PLCG1: variants seen among roughly 807,000 people sequenced by gnomAD.
The protein encoded by PLCG1 is 1-phosphatidylinositol 4,5-bisphosphate phosphodiesterase gamma-1.
In PLCG1, 71 loss-of-function variants were observed where a neutral mutation model predicts 177.8. The ratio of observed to expected loss-of-function variants is 0.40; its 90% CI spans 0.33 to 0.49. The LOEUF (loss-of-function observed/expected upper bound fraction) is 0.49, where lower values mean the gene tolerates loss of function less well. PLCG1 is among the 20% of genes least tolerant of loss of function. PLCG1 has a pLI of 0.72. For synonymous variants in PLCG1, 658 were observed against 647.9 expected, an observed-to-expected ratio of 1.02 and a Z score of -0.24; for missense variants, 1,281 against 1,709.0, an observed-to-expected ratio of 0.75 and a Z score of 4.42.
At position 41,157,046 on chromosome 20, in the gene PLCG1, A is replaced by G. The variant is rs932595779; in HGVS notation, c.218-2560A>G. ...GGCCAGGCTGGTGCCTTCTTACGGA[A>G]GACAGTACAAGGGATCAGGTGTGGC... On this transcript the variant is annotated intron_variant, in intron 1 of 31. Transcript: ENST00000685551. The surrounding 1 kb of genome is among the most constrained non-coding windows in gnomAD (Gnocchi z 5.4). Among the ~76,000 whole-genome samples, 1 of 152,260 alleles carries G rather than the reference A, an allele frequency of 6.6e-6. No individual in the cohort carries two copies. The highest frequency in any genetic ancestry group is 2.4e-5 in the African/African-American group (1 of 41,472).
At chr20:41,155,971 GCTT>G (rs1171862107) in intron 1 of PLCG1, among the ~76,000 whole-genome samples, 2 of 152,226 alleles carry the variant, frequency 1.3e-5, no homozygotes, top group African/African-American at 2.4e-5. Flanking sequence ...GTCAGGGAAA[GCTT>G]CTTGAAAGAG....
At chr20:41,168,026 G>C in intron 20 of PLCG1, 97 bp downstream of exon 20, 1 of 869,148 alleles carries the variant, frequency 1.2e-6, no homozygotes, top group Non-Finnish European at 1.9e-6. Context: ...TCTTTGTGGA[G>C]AAGTGGTGGT....
rs767478845 is a variant in PLCG1, at chr20:41,166,443, G to T, written c.2001-33G>T. 6 of 1,613,960 alleles carry T rather than the reference G, an allele frequency of 3.7e-6. No homozygotes were observed. Reference sequence around the variant, plus strand: ...ACAAGGCAGGGCAGGGCCATGGGTGGTGCTGGCCGGGCCTGACTCTGCCTG... The same window carrying T: ...ACAAGGCAGGGCAGGGCCATGGGTGTTGCTGGCCGGGCCTGACTCTGCCTG... On this transcript the variant is annotated intron_variant, in intron 17 of 31. Coordinates refer to ENST00000685551, the MANE Select transcript of PLCG1 (RefSeq NM_002660.3). This position sits in a 1 kb window ranked among gnomAD's most constrained non-coding sequence, Gnocchi z 8.6.
Position 41,147,023 on chromosome 20 carries a change from G to T in PLCG1, c.217+9165G>T, listed in dbSNP as rs1476309087. 6.6e-6 allele frequency among the ~76,000 whole-genome samples: 1 copy of T among 152,160 alleles called. No individual in the cohort carries two copies. The highest frequency in any genetic ancestry group is 6.5e-5 in the Admixed American group (1 of 15,278). ...GTTGGGAGGTTGGGCAGCGATGGGG[G>T]CAGGGGTGATGGTCCTTCTCTGAGG... On this transcript the variant is annotated intron_variant, in intron 1 of 31. Transcript: ENST00000685551. This position sits in a 1 kb window ranked among gnomAD's most constrained non-coding sequence, Gnocchi z 4.0.
At position 41,174,064 on chromosome 20, in the gene PLCG1, A is replaced by G. The variant is rs993051084; in HGVS notation, c.3645+53A>G. ...GGGGTAGGTGGGAGGAGAGCCAGGC[A>G]GCAGCCTCTAGAAGTGCAGAGGAGT... On this transcript the variant is annotated intron_variant, in intron 30 of 31. Coordinates refer to ENST00000685551, the MANE Select transcript of PLCG1 (RefSeq NM_002660.3). This position sits in a 1 kb window ranked among gnomAD's most constrained non-coding sequence, Gnocchi z 5.8. 3.7e-6 allele frequency: 6 copies of G among 1,604,936 alleles called. No individual in the cohort carries two copies. In the African/African-American group the frequency reaches 6.7e-5, roughly 18 times the overall value.
Position 41,164,039 on chromosome 20 carries a change from T to TGG in PLCG1, c.1096+35_1096+36dup. On this transcript the variant is annotated intron_variant, in intron 11 of 31. Transcript: ENST00000685551. The surrounding 1 kb of genome is among the most constrained non-coding windows in gnomAD (Gnocchi z 6.4). Reference sequence around the variant, plus strand: ...GGGTCCAGGGCTGGGGGAGGGAAGATGGGAGGCCTGCCCGCTTGACCATGG... The same window carrying TGG: ...GGGTCCAGGGCTGGGGGAGGGAAGATGGGGGAGGCCTGCCCGCTTGACCATGG... The TGG allele has an allele frequency of 1.9e-6, 3 of 1,614,096 alleles. No individual in the cohort carries two copies. Among genetic ancestry groups the TGG allele is most frequent in the Non-Finnish European group, 2.5e-6 (3 of 1,180,016 alleles).
At position 41,174,405 on chromosome 20, in the gene PLCG1, T is replaced by C. The variant is rs1438983563; in HGVS notation, c.3834-62T>C. 8.8e-6 allele frequency: 14 copies of C among 1,595,424 alleles called. No individual in the cohort carries two copies. Among genetic ancestry groups the C allele is most frequent in the African/African-American group, 2.7e-5 (2 of 74,526 alleles). Reference sequence around the variant, plus strand: ...TCTCCTGGGTAGAAAAGTTGTAATATTGTCTGGCATTGGGCTGCAAGGCCC... The same window carrying C: ...TCTCCTGGGTAGAAAAGTTGTAATACTGTCTGGCATTGGGCTGCAAGGCCC... On this transcript the variant is annotated intron_variant, in intron 31 of 31. Transcript: ENST00000685551. This position sits in a 1 kb window ranked among gnomAD's most constrained non-coding sequence, Gnocchi z 5.8.
chr20:41,173,406 T>C lies in PLCG1; in HGVS notation c.3280-14T>C, dbSNP rs2035964735. On this transcript the variant is annotated splice_polypyrimidine_tract_variant and intron_variant, in intron 27 of 31. Coordinates refer to ENST00000685551, the MANE Select transcript of PLCG1 (RefSeq NM_002660.3). This position sits in a 1 kb window ranked among gnomAD's most constrained non-coding sequence, Gnocchi z 6.2. Reference sequence around the variant, plus strand: ...AGGAAGGACAATCCCAGGCCCTTCTTTGTCTGCCTACAGGTGCTGGGGGCC... The same window carrying C: ...AGGAAGGACAATCCCAGGCCCTTCTCTGTCTGCCTACAGGTGCTGGGGGCC... The C allele has an allele frequency of 1.3e-6, 2 of 1,571,194 alleles. No homozygotes were observed. Among genetic ancestry groups the C allele is most frequent in the Non-Finnish European group, 1.7e-6 (2 of 1,157,678 alleles).
In PLCG1 at chr20:41,174,038, T is replaced by A; in HGVS notation, c.3645+27T>A. On this transcript the variant is annotated intron_variant, in intron 30 of 31. Coordinates refer to ENST00000685551, the MANE Select transcript of PLCG1 (RefSeq NM_002660.3). The surrounding 1 kb of genome is among the most constrained non-coding windows in gnomAD (Gnocchi z 5.8). ...TATCTGCAGCAGGGGTGGGCTGGCC[T>A]GGGGTAGGTGGGAGGAGAGCCAGGC... 1 of 1,609,780 alleles carries A rather than the reference T, an allele frequency of 6.2e-7. No individual in the cohort carries two copies. Among genetic ancestry groups the A allele is most frequent in the Non-Finnish European group, 8.5e-7 (1 of 1,176,366 alleles).
At position 41,148,449 on chromosome 20, in the gene PLCG1, T is replaced by C. The variant is rs1448591907; in HGVS notation, c.217+10591T>C. Among the ~76,000 whole-genome samples, 1 of 152,032 alleles carries C rather than the reference T, an allele frequency of 6.6e-6. No individual in the cohort carries two copies. Among genetic ancestry groups the C allele is most frequent in the East Asian group, 1.9e-4 (1 of 5,192 alleles). On this transcript the variant is annotated intron_variant, in intron 1 of 31. Transcript: ENST00000685551. The surrounding 1 kb of genome is among the most constrained non-coding windows in gnomAD (Gnocchi z 4.3). ...TATTTCTTCTCCCAACCCATTCCATTTCCTCTCCCTTGTGAGAGGGCTCTG... is the reference window on the plus strand; with the variant it reads ...TATTTCTTCTCCCAACCCATTCCATCTCCTCTCCCTTGTGAGAGGGCTCTG...
rs1469177006 is a variant in PLCG1 at position 41,175,609 on chromosome 20, A to G, written c.*1100A>G. 1 of 152,688 alleles carries G rather than the reference A, an allele frequency of 6.5e-6. No homozygotes were observed. Among genetic ancestry groups the G allele is most frequent in the Non-Finnish European group, 1.5e-5 (1 of 68,054 alleles). 9.5% of individuals were successfully genotyped at this position (152,688 alleles called of 1,614,324 possible). A position where few individuals can be genotyped will look rare whatever the true frequency, so the allele number is the denominator to read the frequency against. On this transcript the variant is annotated 3_prime_UTR_variant, in exon 32 of 32. Transcript: ENST00000685551. ...AAAGGTGCCTCATAGCATAGCCAGC[A>G]TTCAGCACACACAAACCTACTGCCC...
Position 41,164,440 on chromosome 20 carries a change from G to A in PLCG1, c.1217+239G>A, listed in dbSNP as rs565364479. ...CTCTTCTTCATGGGTCCTTTAGACTGTAGAACACATGCTCTTCTCATCTTC... is the reference window on the plus strand; with the variant it reads ...CTCTTCTTCATGGGTCCTTTAGACTATAGAACACATGCTCTTCTCATCTTC... On this transcript the variant is annotated intron_variant, in intron 12 of 31. Coordinates refer to ENST00000685551, the MANE Select transcript of PLCG1 (RefSeq NM_002660.3). This position sits in a 1 kb window ranked among gnomAD's most constrained non-coding sequence, Gnocchi z 6.4. 1.1e-4 allele frequency among the ~76,000 whole-genome samples: 16 copies of A among 152,152 alleles called. No homozygotes were observed. Among genetic ancestry groups the A allele is most frequent in the Admixed American group, 2.6e-4 (4 of 15,296 alleles).
rs1459470655 is a variant in PLCG1 at position 41,151,393 on chromosome 20, G to A, written c.218-8213G>A. ...AATCTAGACCAAGCTTGTCCAACTC[G>A]CTGCCCGCGGGTCTGGTTTGAAGGC... On this transcript the variant is annotated intron_variant, in intron 1 of 31. Transcript: ENST00000685551. The surrounding 1 kb of genome is among the most constrained non-coding windows in gnomAD (Gnocchi z 5.5). Among the ~76,000 whole-genome samples, 5 of 152,180 alleles carry A rather than the reference G, an allele frequency of 3.3e-5. No homozygotes were observed. Among genetic ancestry groups the A allele is most frequent in the South Asian group, 2.1e-4 (1 of 4,828 alleles).
chr20:41,142,734 T>C (rs940795203), intron 1 of PLCG1, among the ~76,000 whole-genome samples: 1 of 152,184 alleles, frequency 6.6e-6, no homozygotes, highest in African/African-American at 2.4e-5. Context: ...GTAAAAAGGA[T>C]AGTATTAAAT....
chr20:41,165,300 A>T lies in PLCG1; in HGVS notation c.1442A>T (p.Tyr481Phe). Reference sequence around the variant, plus strand: ...GAGGAGGTGCCTACATCCATGATGTACTCTGAGAACGACATCAGCAACTCT... The same window carrying T: ...GAGGAGGTGCCTACATCCATGATGTTCTCTGAGAACGACATCAGCAACTCT... ...AYEEVPTSMM[Y>F]SENDISNSIK... Residue 481 changes from tyrosine to phenylalanine, a missense_variant, in exon 14 of 32, where the codon TAC (tyrosine) becomes TTC (phenylalanine). Coordinates refer to ENST00000685551, the MANE Select transcript of PLCG1 (RefSeq NM_002660.3). The surrounding 1 kb of genome is among the most constrained non-coding windows in gnomAD (Gnocchi z 6.6). 1 of 1,614,064 alleles carries T rather than the reference A, an allele frequency of 6.2e-7. No homozygotes were observed. The highest frequency in any genetic ancestry group is 1.3e-5 in the African/African-American group (1 of 75,032).
chr20:41,170,292 T>TG (rs2035852347), intron 24 of PLCG1, 23 bp downstream of exon 24: 4 of 1,613,586 alleles, frequency 2.5e-6, no homozygotes, highest in South Asian at 1.1e-5. Context: ...TGGAACCTTC[T>TG]GGGGGGCAGT....
rs2035435034 is a variant in PLCG1 at position 41,159,759 on chromosome 20, G to GTCT, written c.370+2_370+3insCTT. Reference sequence around the variant, plus strand: ...CGCCTGAAAACGCTGAGCCTGCAAGGTGGGAGTTAAGGGGGTAGAGGAGGT... The same window carrying GTCT: ...CGCCTGAAAACGCTGAGCCTGCAAGGTCTTGGGAGTTAAGGGGGTAGAGGAGGT... On this transcript the variant is annotated splice_donor_variant, in intron 2 of 31. Coordinates refer to ENST00000685551, the MANE Select transcript of PLCG1 (RefSeq NM_002660.3). LOFTEE classifies it high-confidence loss of function. The surrounding 1 kb of genome is among the most constrained non-coding windows in gnomAD (Gnocchi z 6.0). 1 of 1,614,120 alleles carries GTCT rather than the reference G, an allele frequency of 6.2e-7. No homozygotes were observed. The highest frequency in any genetic ancestry group is 1.1e-5 in the South Asian group (1 of 91,090).
chr20:41,138,409 C>T (rs1208669420), intron 1 of PLCG1, among the ~76,000 whole-genome samples: 3 of 152,044 alleles, frequency 2.0e-5, no homozygotes, highest in African/African-American at 4.8e-5. Context: ...TACTCATCTC[C>T]CTCTGGGGGA....
Position 41,162,638 on chromosome 20 carries a change from G to A in PLCG1, c.598-4G>A, listed in dbSNP as rs567457324. ...GACTGGCACTCCTGCTCTATACCAT[G>A]CAGGACCTGGAGCAGCGCAGCGGGG... On this transcript the variant is annotated splice_polypyrimidine_tract_variant and splice_region_variant and intron_variant, in intron 5 of 31. Coordinates refer to ENST00000685551, the MANE Select transcript of PLCG1 (RefSeq NM_002660.3). 1.2e-6 allele frequency: 2 copies of A among 1,613,818 alleles called. No individual in the cohort carries two copies. The highest frequency in any genetic ancestry group is 2.2e-5 in the South Asian group (2 of 91,056).
Sources: gnomAD v4.1 joint callset for allele counts (sites outside exome capture counted in the v4.1 genomes callset) on GRCh38, gnomAD v4.1.1 for gene constraint, Gnocchi (gnomAD v3.1) non-coding constraint, MANE v1.5 for transcripts, NCBI Gene and HGNC (gene_info 2026-07-23, HGNC 2026-07-21) for gene names.